The following DPP10 variants were observed in gnomAD, a reference collection of about 807,000 sequenced individuals.
The protein encoded by DPP10 is dipeptidyl peptidase like 10.
A neutral mutation model predicts 120.9 loss-of-function variants in DPP10; 33 were observed. The ratio of observed to expected loss-of-function variants is 0.27; its 90% CI spans 0.21 to 0.37. DPP10 has a LOEUF of 0.37. Ranked by LOEUF, DPP10 falls within the 10% of genes least tolerant of loss-of-function variation. The probability of loss-of-function intolerance (pLI) is 1.00; values close to 1 mark genes in which losing one functional copy is unlikely to be tolerated. For missense variants in DPP10, 816 were observed against 942.8 expected, an observed-to-expected ratio of 0.87 and a Z score of 1.76; for synonymous variants, 337 against 326.1, an observed-to-expected ratio of 1.03 and a Z score of -0.36.
intron 5 of DPP10, among the ~76,000 whole-genome samples, chr2:115,588,468 C>T (rs908572084): frequency 1.3e-5 from 2 of 152,140 alleles, no homozygotes; most frequent in African/African-American, 4.8e-5. Flanking sequence ...GCTTACCCTA[C>T]CATCATGAAG....
intron 3 of DPP10, among the ~76,000 whole-genome samples, chr2:115,478,328 T>C (rs559190026): frequency 6.6e-6 from 1 of 152,288 alleles, no homozygotes; most frequent in South Asian, 2.1e-4. Context: ...TTTCAACAAA[T>C]GTCATTGGGA....
intron 2 of DPP10, among the ~76,000 whole-genome samples, chr2:115,339,814 A>T (rs893025547): frequency 2.6e-5 from 4 of 152,120 alleles, no homozygotes; most frequent in Admixed American, 2.6e-4. Context: ...TGGGTGGGGG[A>T]CTGTTAATGA....
In DPP10 at chr2:115,630,192, T is replaced by A. The variant is rs550188853; in HGVS notation, c.442-59495T>A. ...ATTGTGAATGGGAGTTCATTTATGA[T>A]TTTGCTCTCTGCTTGTCTATTATTA... On this transcript the variant is annotated intron_variant, in intron 5 of 25. Coordinates refer to ENST00000410059, the MANE Select transcript of DPP10 (RefSeq NM_020868.6). Among the ~76,000 whole-genome samples, 3 of 152,260 alleles carry A rather than the reference T, an allele frequency of 2.0e-5. No homozygotes were observed. In the South Asian group the frequency reaches 6.2e-4, roughly 32 times the overall value.
At chr2:115,365,099 A>C (rs543355645) in intron 3 of DPP10, among the ~76,000 whole-genome samples, 1 of 152,132 alleles carries the variant, frequency 6.6e-6, no homozygotes, top group African/African-American at 2.4e-5. Context: ...TACTAAGGTA[A>C]GTTCTTAGAA....
chr2:114,951,168 A>G (rs1246546155), intron 1 of DPP10, among the ~76,000 whole-genome samples: 1 of 152,210 alleles, frequency 6.6e-6, no homozygotes, highest in African/African-American at 2.4e-5. Context: ...AGTTTCCAAC[A>G]TCATAAATCA....
chr2:115,157,125 T>A (rs543035758), intron 1 of DPP10, among the ~76,000 whole-genome samples: 1 of 151,844 alleles, frequency 6.6e-6, no homozygotes. Flanking sequence ...TTCAGCTACA[T>A]GTATACAGAG....
chr2:115,469,552 G>A (rs958081922), intron 3 of DPP10, among the ~76,000 whole-genome samples: 4 of 152,200 alleles, frequency 2.6e-5, no homozygotes, highest in South Asian at 2.1e-4. Flanking sequence ...GAGGTTCTAC[G>A]ATTACAGATT....
At chr2:115,513,319 A>G (rs1480635334) in intron 4 of DPP10, among the ~76,000 whole-genome samples, 1 of 152,018 alleles carries the variant, frequency 6.6e-6, no homozygotes, top group South Asian at 2.1e-4. Flanking sequence ...TTTTAAAAAA[A>G]TTTATCCTGT....
intron 5 of DPP10, among the ~76,000 whole-genome samples, chr2:115,551,032 A>G (rs2079839495): frequency 6.6e-6 from 1 of 152,104 alleles, no homozygotes; most frequent in South Asian, 2.1e-4. Flanking sequence ...CTCTTGAAAA[A>G]TTGGAAGATC....
At chr2:115,493,608 CA>C (rs1405925644) in intron 3 of DPP10, among the ~76,000 whole-genome samples, 1 of 151,334 alleles carries the variant, frequency 6.6e-6, no homozygotes, top group East Asian at 1.9e-4. Context: ...ATTTGAAGAA[CA>C]AATACCAGGG....
At chr2:114,457,683 G>T (rs1383957434) in intron 1 of DPP10, among the ~76,000 whole-genome samples, 2 of 151,976 alleles carry the variant, frequency 1.3e-5, no homozygotes, top group East Asian at 3.9e-4. Flanking sequence ...TATACCCCTG[G>T]GATAACATTC....
intron 1 of DPP10, among the ~76,000 whole-genome samples, chr2:114,575,423 C>T (rs964604642): frequency 6.6e-6 from 1 of 152,056 alleles, no homozygotes; most frequent in East Asian, 1.9e-4. Context: ...GAACTATATG[C>T]TATTATTGTT....
At chr2:115,001,895 T>C (rs1244263375) in intron 1 of DPP10, among the ~76,000 whole-genome samples, 2 of 152,048 alleles carry the variant, frequency 1.3e-5, no homozygotes, top group African/African-American at 2.4e-5. Flanking sequence ...CACAGACAAA[T>C]GGAAAAACAT....
chr2:114,812,289 G>C (rs78760040), intron 1 of DPP10, among the ~76,000 whole-genome samples: 1 of 152,060 alleles, frequency 6.6e-6, no homozygotes, highest in Non-Finnish European at 1.5e-5. Context: ...TAAAATGACG[G>C]TGTGAATCTT....
intron 17 of DPP10, among the ~76,000 whole-genome samples, chr2:115,784,379 C>T (rs1349800790): frequency 6.6e-6 from 1 of 152,020 alleles, no homozygotes; most frequent in East Asian, 1.9e-4. Flanking sequence ...CATGGAAAAC[C>T]TTTAAACCCA....
rs750391627 is a variant in DPP10, at chr2:115,836,706, G to C, written c.2142G>C (p.Leu714Phe). 1 of 1,613,342 alleles carries C rather than the reference G, an allele frequency of 6.2e-7. No homozygotes were observed. The highest frequency in any genetic ancestry group is 8.5e-7 in the Non-Finnish European group (1 of 1,179,698). ...GTGTGCTACATAATGTTCATGGCTT[G>C]AAAGAAGAAAATATATTAATAATTC... ...AASVLHNVHGLKEENILIIHG... is the reference protein window; with the variant it reads ...AASVLHNVHGFKEENILIIHG... The change falls in exon 24 of 26, where the codon TTG becomes TTC. Residue 714 changes from leucine to phenylalanine, a missense_variant. Physicochemically the swap from Leu to Phe is conservative, Grantham distance 22. Coordinates refer to ENST00000410059, the MANE Select transcript of DPP10 (RefSeq NM_020868.6).
chr2:115,054,517 G>A (rs942871487), intron 1 of DPP10, among the ~76,000 whole-genome samples: 4 of 152,132 alleles, frequency 2.6e-5, no homozygotes, highest in Admixed American at 6.5e-5. Flanking sequence ...GTTTCTTGTA[G>A]CAACCTTAGT....
intron 7 of DPP10, among the ~76,000 whole-genome samples, chr2:115,726,381 T>C (rs937364605): frequency 6.6e-6 from 1 of 152,154 alleles, no homozygotes; most frequent in African/African-American, 2.4e-5. Context: ...CAATGTGCTA[T>C]TTATTCTGCA....
intron 1 of DPP10, among the ~76,000 whole-genome samples, chr2:114,909,328 G>T (rs1694196525): frequency 6.6e-6 from 1 of 151,864 alleles, no homozygotes; most frequent in Non-Finnish European, 1.5e-5. Flanking sequence ...TAAAATTCAA[G>T]ATAAAATGTA....
Sources: gnomAD v4.1 joint callset for allele counts (sites outside exome capture counted in the v4.1 genomes callset) on GRCh38, gnomAD v4.1.1 for gene constraint, MANE v1.5 for transcripts, NCBI Gene and HGNC (gene_info 2026-07-23, HGNC 2026-07-21) for gene names.